DCUN1D5: variants seen among roughly 807,000 people sequenced by gnomAD.
DCUN1D5 encodes DCN1-like protein 5.
A neutral mutation model predicts 38.3 loss-of-function variants in DCUN1D5; 10 were observed. The observed-to-expected ratio is 0.26, with a 90% CI of 0.16 to 0.44. The LOEUF is 0.44. Among genes scored for constraint, DCUN1D5 ranks in the 20% least tolerant of loss-of-function variants. The pLI, the probability that DCUN1D5 is intolerant of heterozygous loss-of-function variation, is 1.00. For synonymous variants in DCUN1D5, 93 were observed against 90.9 expected, an observed-to-expected ratio of 1.02 and a Z score of -0.13; for missense variants, 148 against 275.3, an observed-to-expected ratio of 0.54 and a Z score of 3.27.
intron 4 of DCUN1D5, among the ~76,000 whole-genome samples, chr11:103,067,704 T>G (rs138891259): frequency 7.8e-4 from 119 of 152,328 alleles, no homozygotes; most frequent in African/African-American, 2.8e-3. Flanking sequence ...TTGGACAATT[T>G]TCTAATATTA....
At position 103,073,203 on chromosome 11, in the gene DCUN1D5, A is replaced by C. The variant is rs187749000; in HGVS notation, c.342-6636T>G. Among the ~76,000 whole-genome samples the C allele has an allele frequency of 7.9e-5, 12 of 152,298 alleles. No homozygotes were observed. Among genetic ancestry groups the C allele is most frequent in the Admixed American group, 3.9e-4 (6 of 15,292 alleles). On this transcript the variant is annotated intron_variant, in intron 4 of 7. Transcript: ENST00000260247. The surrounding 1 kb of genome is among the most constrained non-coding windows in gnomAD (Gnocchi z 4.2). ...AAGATGTACAGGACGTATATGCCGAAAACTACACAAAACTGATGAAAAAAA... is the reference window on the plus strand; with the variant it reads ...AAGATGTACAGGACGTATATGCCGACAACTACACAAAACTGATGAAAAAAA...
In DCUN1D5 at chr11:103,064,264, G is replaced by T. The variant is rs1484689157; in HGVS notation, c.658+11C>A. ...TTTTGTTTTCAAAGGAACATGTTAT[G>T]TTATACTTACAAGCACCATCTTCAT... On this transcript the variant is annotated intron_variant, in intron 7 of 7. Coordinates refer to ENST00000260247, the MANE Select transcript of DCUN1D5 (RefSeq NM_032299.4). The surrounding 1 kb of genome is among the most constrained non-coding windows in gnomAD (Gnocchi z 4.5). 1 of 1,599,334 alleles carries T rather than the reference G, an allele frequency of 6.3e-7. No individual in the cohort carries two copies. The highest frequency in any genetic ancestry group is 2.2e-5 in the East Asian group (1 of 44,540).
chr11:103,089,366 T>TA (rs1210269705), intron 1 of DCUN1D5, 48 bp from the exon 2 acceptor site: 1 of 1,486,678 alleles, frequency 6.7e-7, no homozygotes, highest in Admixed American at 2.0e-5. Flanking sequence ...TCTCAACTCT[T>TA]AGAGAAAAAC....
Position 103,062,307 on chromosome 11 carries a change from C to G in DCUN1D5, c.*52G>C, listed in dbSNP as rs1862032513. On this transcript the variant is annotated 3_prime_UTR_variant, in exon 8 of 8. Transcript: ENST00000260247. The surrounding 1 kb of genome is among the most constrained non-coding windows in gnomAD (Gnocchi z 4.6). Reference sequence around the variant, plus strand: ...ATTTTTTTCCCCCTCATCACATTAGCTTGTATACACGTGGGAATTGAAAGG... The same window carrying G: ...ATTTTTTTCCCCCTCATCACATTAGGTTGTATACACGTGGGAATTGAAAGG... 1.3e-6 allele frequency: 2 copies of G among 1,558,162 alleles called. No individual in the cohort carries two copies. The highest frequency in any genetic ancestry group is 1.1e-5 in the South Asian group (1 of 89,688).
At chr11:103,075,465 T>C (rs1862384958) in intron 4 of DCUN1D5, among the ~76,000 whole-genome samples, 1 of 152,148 alleles carries the variant, frequency 6.6e-6, no homozygotes, top group Non-Finnish European at 1.5e-5. Context: ...CACTGCAACC[T>C]ACGCCTCCGG....
intron 4 of DCUN1D5, 94 bp downstream of exon 4, chr11:103,082,654 G>A: frequency 4.9e-6 from 4 of 820,740 alleles, no homozygotes; most frequent in Non-Finnish European, 7.9e-6. Context: ...TTTGATTTAA[G>A]GTGAAACCTT....
At chr11:103,082,694 C>G (rs1192339082) in intron 4 of DCUN1D5, 54 bp downstream of exon 4, 2 of 1,145,426 alleles carry the variant, frequency 1.7e-6, no homozygotes, top group Non-Finnish European at 1.3e-6. Context: ...CACAAAATAT[C>G]AATTAAGATC....
intron 4 of DCUN1D5, among the ~76,000 whole-genome samples, chr11:103,075,458 T>G (rs1038788804): frequency 3.3e-5 from 5 of 152,150 alleles, no homozygotes; most frequent in Non-Finnish European, 5.9e-5. Context: ...CTCAGCTCAC[T>G]GCAACCTACG....
At position 103,061,585 on chromosome 11, in the gene DCUN1D5, G is replaced by A. The variant is rs1287297802; in HGVS notation, c.*774C>T. 2.2e-5 allele frequency among the ~76,000 whole-genome samples: 3 copies of A among 134,942 alleles called. No homozygotes were observed. Among genetic ancestry groups the A allele is most frequent in the Non-Finnish European group, 3.1e-5 (2 of 64,866 alleles). The allele number at this position is 134,942 out of a possible 152,430, so 88.5% of individuals were successfully genotyped here. On this transcript the variant is annotated 3_prime_UTR_variant, in exon 8 of 8. Transcript: ENST00000260247. ...TAATTAAATCCATATCACAGCTAAC[G>A]TTCTCTTAAGGCAAAAAAAAAAAAA...
At position 103,057,833 on chromosome 11, in the gene DCUN1D5, T is replaced by C. The variant is rs79052309; in HGVS notation, c.*4526A>G. 3.9e-5 allele frequency among the ~76,000 whole-genome samples: 6 copies of C among 152,230 alleles called. No individual in the cohort carries two copies. In the East Asian group the frequency reaches 9.6e-4, roughly 24 times the overall value. ...CTATATATTCACTTCAAGTATTTAT[T>C]AGCTTTTTAAAATCCACAATTTTAA... On this transcript the variant is annotated 3_prime_UTR_variant, in exon 8 of 8. Coordinates refer to ENST00000260247, the MANE Select transcript of DCUN1D5 (RefSeq NM_032299.4). This position sits in a 1 kb window ranked among gnomAD's most constrained non-coding sequence, Gnocchi z 4.8.
At position 103,062,544 on chromosome 11, in the gene DCUN1D5, C is replaced by T. The variant is rs1324516991; in HGVS notation, c.659-130G>A. Reference sequence around the variant, plus strand: ...TTTCTTTGGGTGTTCTGCTTCTAGACACCTTATTCCATTTAATGGTGCTTT... The same window carrying T: ...TTTCTTTGGGTGTTCTGCTTCTAGATACCTTATTCCATTTAATGGTGCTTT... On this transcript the variant is annotated intron_variant, in intron 7 of 7. Transcript: ENST00000260247. This position sits in a 1 kb window ranked among gnomAD's most constrained non-coding sequence, Gnocchi z 4.6. 4 of 729,986 alleles carry T rather than the reference C, an allele frequency of 5.5e-6. No individual in the cohort carries two copies. Among genetic ancestry groups the T allele is most frequent in the African/African-American group, 5.4e-5 (3 of 55,924 alleles). 45.2% of individuals were successfully genotyped at this position (729,986 alleles called of 1,614,324 possible). A position where few individuals can be genotyped will look rare whatever the true frequency, so the allele number is the denominator to read the frequency against.
intron 4 of DCUN1D5, among the ~76,000 whole-genome samples, chr11:103,068,793 T>C (rs142994833): frequency 6.8e-4 from 103 of 151,812 alleles, no homozygotes; most frequent in African/African-American, 2.4e-3. Flanking sequence ...TGACACTACT[T>C]TACCTATGTA....
At chr11:103,067,040 T>G (rs966392321) in intron 4 of DCUN1D5, among the ~76,000 whole-genome samples, 13 of 152,132 alleles carry the variant, frequency 8.5e-5, no homozygotes, top group African/African-American at 2.7e-4. Context: ...CAGTGCAAAT[T>G]AATACATTAA....
rs759170449 is a variant in DCUN1D5 at position 103,066,505 on chromosome 11, A to T, written c.404T>A (p.Ile135Asn). Residue 135 changes from isoleucine to asparagine, a missense_variant, in exon 5 of 8, where the codon ATT becomes AAT. By Grantham distance (149) the Ile-to-Asn change is moderately radical. Coordinates refer to ENST00000260247, the MANE Select transcript of DCUN1D5 (RefSeq NM_032299.4). The surrounding 1 kb of genome is among the most constrained non-coding windows in gnomAD (Gnocchi z 4.7). The part of the protein sequence containing the change: ...FDFLRSQLND[I>N]SSFKNIYRYA... Reference sequence around the variant, plus strand: ...TCTGTAGATATTCTTAAATGACGAAATATCATTCAACTGTGAGCGCAAAAA... The same window carrying T: ...TCTGTAGATATTCTTAAATGACGAATTATCATTCAACTGTGAGCGCAAAAA... The T allele has an allele frequency of 6.2e-7, 1 of 1,612,660 alleles. No individual in the cohort carries two copies. The highest frequency in any genetic ancestry group is 1.7e-5 in the Admixed American group (1 of 59,868).
In DCUN1D5 at chr11:103,066,344, A is replaced by G; in HGVS notation, c.480T>C (p.Asp160=). 1 of 1,611,932 alleles carries G rather than the reference A, an allele frequency of 6.2e-7. No individual in the cohort carries two copies. Among genetic ancestry groups the G allele is most frequent in the Non-Finnish European group, 8.5e-7 (1 of 1,179,270 alleles). ...RDKDQRSLDI[D]TAKSMLALLL... ...GAAGAGCTAACATAGATTTAGCAGTATCAATATCAAGGCTTCTCTGATCTT... is the reference window on the plus strand; with the variant it reads ...GAAGAGCTAACATAGATTTAGCAGTGTCAATATCAAGGCTTCTCTGATCTT... The change falls in exon 6 of 8, where the codon GAT becomes GAC. Residue 160 remains aspartate, a synonymous_variant. Transcript: ENST00000260247. This position sits in a 1 kb window ranked among gnomAD's most constrained non-coding sequence, Gnocchi z 4.7.
At position 103,066,136 on chromosome 11, in the gene DCUN1D5, T is replaced by A. The variant is rs1217709926; in HGVS notation, c.555+133A>T. Reference sequence around the variant, plus strand: ...TTCTATCTAAAAATAGCAACTGATATGTACATATTTTAGAATTTTTTCTCT... The same window carrying A: ...TTCTATCTAAAAATAGCAACTGATAAGTACATATTTTAGAATTTTTTCTCT... On this transcript the variant is annotated intron_variant, in intron 6 of 7. Transcript: ENST00000260247. The surrounding 1 kb of genome is among the most constrained non-coding windows in gnomAD (Gnocchi z 4.7). 1 of 508,354 alleles carries A rather than the reference T, an allele frequency of 2.0e-6. No individual in the cohort carries two copies. The highest frequency in any genetic ancestry group is 3.4e-6 in the Non-Finnish European group (1 of 290,696). 31.5% of individuals were successfully genotyped at this position (508,354 alleles called of 1,614,324 possible).
At position 103,091,316 on chromosome 11, in the gene DCUN1D5, C is replaced by T. The variant is rs1278389663; in HGVS notation, c.86+471G>A. ...GGCCAATTATAGCATACAAGTTTTC[C>T]TTTCTACCATTCCCAAGACAGTTGT... On this transcript the variant is annotated intron_variant, in intron 1 of 7. Transcript: ENST00000260247. The surrounding 1 kb of genome is among the most constrained non-coding windows in gnomAD (Gnocchi z 4.3). Among the ~76,000 whole-genome samples, 1 of 152,132 alleles carries T rather than the reference C, an allele frequency of 6.6e-6. No individual in the cohort carries two copies. The highest frequency in any genetic ancestry group is 1.5e-5 in the Non-Finnish European group (1 of 68,020).
In DCUN1D5 at chr11:103,051,312, CTTT is replaced by C. The variant is rs1245119198; in HGVS notation, c.*11044_*11046del. The C allele has an allele frequency of 3.7e-4, 57 of 152,222 alleles. No individual in the cohort carries two copies. The highest frequency in any genetic ancestry group is 1.5e-5 in the Non-Finnish European group (1 of 68,000). The allele number at this position is 152,222 out of a possible 1,614,324, so 9.4% of individuals were successfully genotyped here. A position where few individuals can be genotyped will look rare whatever the true frequency, so the allele number is the denominator to read the frequency against. Reference sequence around the variant, plus strand: ...AATGAACCATCCATCCTTCAGGAAACTTTTTTAAAAAAAGATTTTCTGCATGGT... The same window carrying C: ...AATGAACCATCCATCCTTCAGGAAACTTTAAAAAAAGATTTTCTGCATGGT... On this transcript the variant is annotated 3_prime_UTR_variant, in exon 8 of 8. Transcript: ENST00000260247.
rs576730835 is a variant in DCUN1D5, at chr11:103,078,295, T to G, written c.341+4453A>C. Among the ~76,000 whole-genome samples, 48 of 152,296 alleles carry G rather than the reference T, an allele frequency of 3.2e-4. No homozygotes were observed. The South Asian group carries it at 6.0e-3, about 19-fold the overall frequency. ...ACACCAGACTTTCAGCTAGCAGATA[T>G]GAGAAAAGACCTCCACTCTAGTACA... On this transcript the variant is annotated intron_variant, in intron 4 of 7. Coordinates refer to ENST00000260247, the MANE Select transcript of DCUN1D5 (RefSeq NM_032299.4). The surrounding 1 kb of genome is among the most constrained non-coding windows in gnomAD (Gnocchi z 4.6).
Sources: allele counts gnomAD v4.1 joint callset (sites outside exome capture counted in the v4.1 genomes callset), GRCh38; gene constraint gnomAD v4.1.1; non-coding constraint Gnocchi (gnomAD v3.1); transcripts MANE v1.5; gene names NCBI Gene and HGNC (gene_info 2026-07-23, HGNC 2026-07-21).